Variants in PDE3B observed in about 807,000 individuals in gnomAD.
PDE3B encodes the protein cGMP-inhibited 3',5'-cyclic phosphodiesterase 3B.
A neutral mutation model predicts 116.8 loss-of-function variants in PDE3B; 66 were observed. That is an observed-to-expected ratio of 0.56 (90% confidence interval 0.46 to 0.69). PDE3B has a LOEUF of 0.69. Among genes scored for constraint, PDE3B ranks in the 30% least tolerant of loss-of-function variants. The probability of loss-of-function intolerance (pLI) is 0.00; values close to 1 mark genes in which losing one functional copy is unlikely to be tolerated. For missense variants in PDE3B, 1,384 were observed against 1,368.1 expected (o/e 1.01, Z -0.18); for synonymous variants, 595 against 533.6 (o/e 1.12, Z -1.59).
intron 11 of PDE3B, among the ~76,000 whole-genome samples, chr11:14,837,794 T>C (rs1052394912): frequency 5.9e-5 from 9 of 152,104 alleles, no homozygotes; most frequent in Admixed American, 5.9e-4. Context: ...CAAATAGCTA[T>C]TGCAATGGAA....
chr11:14,873,714 G>A (rs896517238), downstream of PDE3B, among the ~76,000 whole-genome samples: 5 of 152,210 alleles, frequency 3.3e-5, no homozygotes. Context: ...GGATTTGGGA[G>A]TCAACAGCAA....
intron 1 of PDE3B, among the ~76,000 whole-genome samples, chr11:14,725,303 T>TTTC (rs1856259134): frequency 8.5e-6 from 1 of 118,320 alleles, no homozygotes; most frequent in African/African-American, 3.0e-5. Context: ...CTTTCTTTCT[T>TTTC]TCTTTCTCTT....
At chr11:14,894,170 C>T in the PDE3B span, among the ~76,000 whole-genome samples, 1 of 152,014 alleles carries the variant, frequency 6.6e-6, no homozygotes, top group Admixed American at 6.6e-5. Flanking sequence ...CTACCTACTG[C>T]CTATTACAAA....
At chr11:14,747,931 A>G (rs1339694797) in intron 1 of PDE3B, among the ~76,000 whole-genome samples, 2 of 152,192 alleles carry the variant, frequency 1.3e-5, no homozygotes, top group Non-Finnish European at 1.5e-5. Context: ...TCACTATTTG[A>G]CTTACCACAT....
chr11:14,874,097 CTATTA>C (rs1848168879), downstream of PDE3B, among the ~76,000 whole-genome samples: 1 of 152,158 alleles, frequency 6.6e-6, no homozygotes, highest in South Asian at 2.1e-4. Context: ...GGTATTGTAA[CTATTA>C]TAAAGTCCTT....
intron 4 of PDE3B, among the ~76,000 whole-genome samples, chr11:14,791,022 T>C (rs1198662612): frequency 6.6e-6 from 1 of 152,134 alleles, no homozygotes; most frequent in African/African-American, 2.4e-5. Flanking sequence ...GAAATGTGTC[T>C]AGCATGACTA....
chr11:14,829,282 C>T (rs1428669733), intron 7 of PDE3B, among the ~76,000 whole-genome samples: 2 of 152,012 alleles, frequency 1.3e-5, no homozygotes, highest in African/African-American at 4.8e-5. Context: ...AACAAACCTG[C>T]ACTTGTACCA....
intron 14 of PDE3B, among the ~76,000 whole-genome samples, chr11:14,862,584 CTTTT>C (rs1161667082): frequency 5.9e-5 from 9 of 151,946 alleles, no homozygotes; most frequent in African/African-American, 2.2e-4. Context: ...GTTCTTAAAT[CTTTT>C]TTTGAGACAG....
At chr11:14,714,461 G>C (rs1372369735) in intron 1 of PDE3B, among the ~76,000 whole-genome samples, 3 of 150,030 alleles carry the variant, frequency 2.0e-5, no homozygotes, top group Non-Finnish European at 4.4e-5. Flanking sequence ...GATCATTTGA[G>C]CCTGGGAGCT....
At chr11:14,725,349 C>CT (rs1856268403) in intron 1 of PDE3B, among the ~76,000 whole-genome samples, 1 of 137,420 alleles carries the variant, frequency 7.3e-6, no homozygotes, top group Non-Finnish European at 1.6e-5. Context: ...TTCTTTCTTT[C>CT]TTCTTTCTCC....
chr11:14,868,725 C>A (rs1242592488), intron 15 of PDE3B, among the ~76,000 whole-genome samples: 3 of 152,148 alleles, frequency 2.0e-5, no homozygotes, highest in Non-Finnish European at 4.4e-5. Flanking sequence ...CCCACTGCAA[C>A]ACACACATGC....
intron 4 of PDE3B, among the ~76,000 whole-genome samples, chr11:14,796,330 T>C (rs920906491): frequency 2.6e-5 from 4 of 152,202 alleles, no homozygotes; most frequent in African/African-American, 4.8e-5. Flanking sequence ...GCAATAAATA[T>C]ACATGTGCAT....
rs763744588 is a variant in PDE3B, at chr11:14,749,910, A to ATATATATG, written c.979-22024_979-22023insATATGTAT. Reference sequence around the variant, plus strand: ...AAATAAATATATCCCATATATATATATATGTATCTTTGTGGAAGCTGAGAA... The same window carrying ATATATATG: ...AAATAAATATATCCCATATATATATATATATATGTATGTATCTTTGTGGAAGCTGAGAA... On this transcript the variant is annotated intron_variant, in intron 1 of 15. Transcript: ENST00000282096. 9.9e-5 allele frequency among the ~76,000 whole-genome samples: 13 copies of ATATATATG among 131,478 alleles called. 2 individuals carry two copies. The highest frequency in any genetic ancestry group is 3.5e-4 in the African/African-American group (11 of 31,808). 86.3% of individuals were successfully genotyped at this position (131,478 alleles called of 152,430 possible).
chr11:14,880,665 T>G, the PDE3B span: 2 of 1,597,602 alleles, frequency 1.3e-6, no homozygotes, highest in Non-Finnish European at 8.5e-7. Flanking sequence ...CTTCCAAGAT[T>G]TTAGATTCAA....
chr11:14,664,703 C>T (rs1243490504), intron 1 of PDE3B, among the ~76,000 whole-genome samples: 1 of 152,146 alleles, frequency 6.6e-6, no homozygotes. Flanking sequence ...TACACCCTCC[C>T]AAGACTAAAC....
At chr11:14,761,258 T>TA (rs1435154986) in intron 1 of PDE3B, among the ~76,000 whole-genome samples, 1 of 152,198 alleles carries the variant, frequency 6.6e-6, no homozygotes, top group Non-Finnish European at 1.5e-5. Context: ...TTTGGAATTA[T>TA]AAATGGTAAT....
At chr11:14,751,533 A>G (rs989195449) in intron 1 of PDE3B, among the ~76,000 whole-genome samples, 1 of 152,150 alleles carries the variant, frequency 6.6e-6, no homozygotes, top group Non-Finnish European at 1.5e-5. Context: ...CTTGTTTGTA[A>G]TCAGTTGATA....
chr11:14,725,307 TTCTC>T (rs760849298), intron 1 of PDE3B, among the ~76,000 whole-genome samples: 2 of 111,534 alleles, frequency 1.8e-5, no homozygotes, highest in Non-Finnish European at 3.8e-5. Flanking sequence ...CTTTCTTTCT[TTCTC>T]TTTCTTTCTT....
intron 1 of PDE3B, among the ~76,000 whole-genome samples, chr11:14,670,482 C>T (rs996528306): frequency 1.3e-5 from 2 of 152,010 alleles, no homozygotes; most frequent in African/African-American, 4.8e-5. Flanking sequence ...GTATCAGAAT[C>T]AGGAGTAATG....
Sources: gnomAD v4.1 joint callset for allele counts (sites outside exome capture counted in the v4.1 genomes callset) on GRCh38, gnomAD v4.1.1 for gene constraint, MANE v1.5 for transcripts, NCBI Gene and HGNC (gene_info 2026-07-23, HGNC 2026-07-21) for gene names.